CSMD1: variants seen among roughly 807,000 people sequenced by gnomAD.
The protein encoded by CSMD1 is CUB and sushi domain-containing protein 1.
Under a neutral mutation model 417.5 loss-of-function variants are expected in CSMD1, and 213 were observed. The observed-to-expected ratio is 0.51, with a 90% confidence interval of 0.46 to 0.57. The LOEUF is 0.57. CSMD1 is among the 20% of genes least tolerant of loss of function. CSMD1 has a pLI of 0.00. For missense variants in CSMD1, 6,923 were observed against 4,529.7 expected (o/e 1.53, Z -15.17); for synonymous variants, 2,862 against 1,736.8 (o/e 1.65, Z -16.11).
chr8:4,054,160 T>G (rs1206403032), intron 3 of CSMD1, among the ~76,000 whole-genome samples: 3 of 152,114 alleles, frequency 2.0e-5, no homozygotes, highest in Non-Finnish European at 4.4e-5. Flanking sequence ...AACTCCTCAT[T>G]ACCACCATCA....
chr8:3,765,102 G>C (rs1342491606), intron 5 of CSMD1, among the ~76,000 whole-genome samples: 1 of 152,044 alleles, frequency 6.6e-6, no homozygotes, highest in South Asian at 2.1e-4. Context: ...TTAAAAAGAG[G>C]TCAACTGTCT....
chr8:4,675,570 A>T (rs563135327), intron 1 of CSMD1, among the ~76,000 whole-genome samples: 1 of 152,334 alleles, frequency 6.6e-6, no homozygotes, highest in East Asian at 1.9e-4. Flanking sequence ...GAGACAATAA[A>T]GGCCTAAGTT....
chr8:4,410,941 C>T (rs540524079), intron 3 of CSMD1, among the ~76,000 whole-genome samples: 28 of 152,256 alleles, frequency 1.8e-4, no homozygotes, highest in African/African-American at 6.0e-4. Context: ...TAGATTTGTT[C>T]TAGTGGGACT....
chr8:3,742,045 T>C (rs1470748701), intron 6 of CSMD1, among the ~76,000 whole-genome samples: 2 of 151,656 alleles, frequency 1.3e-5, no homozygotes, highest in Non-Finnish European at 2.9e-5. Flanking sequence ...TCTTCCCAGC[T>C]TCACACTCAT....
chr8:3,288,926 T>G (rs1803350508), intron 25 of CSMD1, among the ~76,000 whole-genome samples: 1 of 147,072 alleles, frequency 6.8e-6, no homozygotes, highest in South Asian at 2.1e-4. Flanking sequence ...GCTACACCCA[T>G]TAACTCATCA....
At chr8:3,729,798 G>A (rs79878631) in intron 6 of CSMD1, among the ~76,000 whole-genome samples, 10,207 of 151,844 alleles carry the variant, frequency 0.067, 413 homozygotes, top group East Asian at 0.13. Context: ...TGATGACCAT[G>A]ATTTCTTCAT....
At chr8:4,564,718 G>A (rs1338999420) in intron 2 of CSMD1, among the ~76,000 whole-genome samples, 2 of 152,186 alleles carry the variant, frequency 1.3e-5, no homozygotes, top group African/African-American at 4.8e-5. Context: ...CCTGATAATA[G>A]TGAGGGCATT....
chr8:3,726,241 G>A lies in CSMD1; in HGVS notation c.932-17750C>T, dbSNP rs567347052. 2.9e-4 allele frequency among the ~76,000 whole-genome samples: 44 copies of A among 152,284 alleles called. 1 individual carries two copies. The South Asian group carries it at 8.9e-3, about 31-fold the overall frequency. On this transcript the variant is annotated intron_variant, in intron 6 of 69. Transcript: ENST00000635120. ...GCCAGCATTGACTGTAAACCCATGA[G>A]AGGCTGGGAAAGAACAGCCCAGCTA...
intron 5 of CSMD1, among the ~76,000 whole-genome samples, chr8:3,822,472 G>A (rs1801793481): frequency 1.3e-5 from 2 of 152,210 alleles, no homozygotes; most frequent in South Asian, 2.1e-4. Flanking sequence ...ATTCCTAACT[G>A]TAATTTCAGG....
chr8:3,229,100 C>T (rs1798679287), intron 27 of CSMD1, among the ~76,000 whole-genome samples: 1 of 152,094 alleles, frequency 6.6e-6, no homozygotes, highest in African/African-American at 2.4e-5. Flanking sequence ...CACAGCTCCC[C>T]AAGACCACTG....
chr8:4,080,796 G>A (rs527507305), intron 3 of CSMD1, among the ~76,000 whole-genome samples: 14 of 152,104 alleles, frequency 9.2e-5, no homozygotes, highest in Non-Finnish European at 1.8e-4. Context: ...CCCTCTCTAA[G>A]TATTTGATCA....
chr8:3,555,067 G>C (rs972659095), intron 10 of CSMD1, among the ~76,000 whole-genome samples: 1 of 152,096 alleles, frequency 6.6e-6, no homozygotes, highest in East Asian at 1.9e-4. Context: ...TAAGGAGCCA[G>C]GAGAGCCCTC....
chr8:4,055,982 T>C (rs1334594505), intron 3 of CSMD1, among the ~76,000 whole-genome samples: 1 of 151,794 alleles, frequency 6.6e-6, no homozygotes, highest in Non-Finnish European at 1.5e-5. Context: ...TTTCCCCTAC[T>C]AGAAGGCTCT....
intron 3 of CSMD1, among the ~76,000 whole-genome samples, chr8:4,242,730 G>A (rs778590964): frequency 6.6e-6 from 1 of 152,146 alleles, no homozygotes; most frequent in Admixed American, 6.5e-5. Context: ...CAGTTGAGTG[G>A]CTCTCCTGCA....
chr8:4,065,526 C>G (rs1294252734), intron 3 of CSMD1, among the ~76,000 whole-genome samples: 1 of 150,744 alleles, frequency 6.6e-6, no homozygotes, highest in Non-Finnish European at 1.5e-5. Flanking sequence ...GTTACGGTAT[C>G]AAGAAACTGT....
At chr8:4,207,252 T>C (rs1328388378) in intron 3 of CSMD1, among the ~76,000 whole-genome samples, 1 of 152,190 alleles carries the variant, frequency 6.6e-6, no homozygotes, top group Admixed American at 6.5e-5. Flanking sequence ...ATTCCCATTA[T>C]TTCAAGTGAC....
intron 51 of CSMD1, among the ~76,000 whole-genome samples, chr8:3,020,825 C>A (rs528477901): frequency 6.6e-6 from 1 of 152,128 alleles, no homozygotes; most frequent in Non-Finnish European, 1.5e-5. Context: ...ACAGCCTCCA[C>A]GATTTATTGG....
At chr8:4,279,472 C>A (rs573211442) in intron 3 of CSMD1, among the ~76,000 whole-genome samples, 3 of 152,090 alleles carry the variant, frequency 2.0e-5, no homozygotes, top group Non-Finnish European at 4.4e-5. Context: ...CATTTAATAG[C>A]GTTTTTTCAT....
chr8:3,303,067 T>C (rs1040414044), intron 25 of CSMD1, among the ~76,000 whole-genome samples: 1 of 152,200 alleles, frequency 6.6e-6, no homozygotes, highest in African/African-American at 2.4e-5. Flanking sequence ...TGAAATTACT[T>C]AAATTGTTAT....
Sources: allele counts gnomAD v4.1 joint callset (sites outside exome capture counted in the v4.1 genomes callset), GRCh38; gene constraint gnomAD v4.1.1; transcripts MANE v1.5; gene names NCBI Gene and HGNC (gene_info 2026-07-23, HGNC 2026-07-21).